The following LRBA variants were observed in gnomAD, a reference collection of about 807,000 sequenced individuals.
LRBA encodes the protein LPS responsive beige-like anchor protein.
Under a neutral mutation model 330.0 loss-of-function variants are expected in LRBA, and 176 were observed. The ratio of observed to expected loss-of-function variants is 0.53; its 90% CI spans 0.47 to 0.60. The LOEUF is 0.60. Ranked by LOEUF, LRBA falls within the 20% of genes least tolerant of loss-of-function variation. LRBA has a pLI of 0.00. For synonymous variants in LRBA, 1,230 were observed against 1,193.0 expected (o/e 1.03, Z -0.64); for missense variants, 3,259 against 3,444.8 (o/e 0.95, Z 1.35).
At chr4:150,534,509 A>G (rs1214097749) in intron 40 of LRBA, among the ~76,000 whole-genome samples, 1 of 151,892 alleles carries the variant, frequency 6.6e-6, no homozygotes, top group Non-Finnish European at 1.5e-5. Flanking sequence ...TTAGGCATGA[A>G]TTACCTGTCA....
intron 40 of LRBA, among the ~76,000 whole-genome samples, chr4:150,498,037 A>C (rs544965277): frequency 6.2e-4 from 95 of 152,202 alleles, no homozygotes; most frequent in Non-Finnish European, 1.2e-3. Context: ...GCCCAGCTTT[A>C]AAAATTAATT....
chr4:150,838,430 A>G (rs1314974130), intron 28 of LRBA, among the ~76,000 whole-genome samples: 1 of 152,208 alleles, frequency 6.6e-6, no homozygotes, highest in Non-Finnish European at 1.5e-5. Context: ...AGGTACACCA[A>G]TCAGACGTAG....
chr4:150,814,933 T>C (rs552288343), intron 31 of LRBA, among the ~76,000 whole-genome samples: 2 of 152,116 alleles, frequency 1.3e-5, no homozygotes, highest in South Asian at 4.1e-4. Context: ...GAGAGAAATG[T>C]ATAATACTGT....
At chr4:150,956,857 C>T (rs1287342076) in intron 2 of LRBA, among the ~76,000 whole-genome samples, 2 of 149,096 alleles carry the variant, frequency 1.3e-5, no homozygotes, top group Admixed American at 6.6e-5. Flanking sequence ...TAGAAAGAAA[C>T]TTCTTCAACC....
intron 47 of LRBA, among the ~76,000 whole-genome samples, chr4:150,413,493 C>A (rs969829273): frequency 2.0e-5 from 3 of 152,004 alleles, no homozygotes; most frequent in Non-Finnish European, 4.4e-5. Context: ...ATGGATGAAT[C>A]TCAAAAAACA....
chr4:150,484,859 T>C (rs1757691885), intron 42 of LRBA, among the ~76,000 whole-genome samples: 1 of 151,952 alleles, frequency 6.6e-6, no homozygotes, highest in Non-Finnish European at 1.5e-5. Context: ...TTATTTTCAA[T>C]TAGTAGAATA....
intron 2 of LRBA, among the ~76,000 whole-genome samples, chr4:151,008,912 G>C (rs1482118456): frequency 3.0e-5 from 4 of 134,122 alleles, no homozygotes; most frequent in Non-Finnish European, 4.6e-5. Flanking sequence ...GGAGGTTGCA[G>C]TGAGCCAAGA....
chr4:150,658,502 A>C (rs1251571059), intron 37 of LRBA, among the ~76,000 whole-genome samples: 1 of 26,142 alleles, frequency 3.8e-5, no homozygotes, highest in African/African-American at 5.3e-5. Context: ...TCAGAAAATA[A>C]AAGTCTCCCT....
At position 150,828,414 on chromosome 4, in the gene LRBA, A is replaced by G. The variant is rs770387815; in HGVS notation, c.4937T>C (p.Leu1646Ser). 8.7e-6 allele frequency: 14 copies of G among 1,614,030 alleles called. No individual in the cohort carries two copies. The highest frequency in any genetic ancestry group is 1.1e-5 in the Non-Finnish European group (13 of 1,180,018). ...GGTTTCCGGAGACTTATTGACTTCT[A>G]AAGAAAGAGTAGATAGCACCTCGCT... ...AISEVLSTLS[L>S]EVNKSPETKN... is the part of the protein sequence containing the mutation. Residue 1646 changes from leucine (L) to serine (S), a missense_variant, in exon 30 of 57, where the codon TTA becomes TCA. By Grantham distance (145) the Leu-to-Ser change is moderately radical. Transcript: ENST00000651943.
chr4:150,858,869 A>G (rs903110481), intron 22 of LRBA, among the ~76,000 whole-genome samples: 2 of 152,162 alleles, frequency 1.3e-5, no homozygotes, highest in South Asian at 4.1e-4. Flanking sequence ...TTTTAATCTT[A>G]TCATACAGCC....
chr4:150,593,724 C>T (rs1295057360), intron 38 of LRBA, among the ~76,000 whole-genome samples: 1 of 152,060 alleles, frequency 6.6e-6, no homozygotes, highest in Non-Finnish European at 1.5e-5. Flanking sequence ...AACAACTAAA[C>T]ACCCTGCTCA....
intron 2 of LRBA, among the ~76,000 whole-genome samples, chr4:150,991,806 T>C (rs1054311870): frequency 6.6e-6 from 1 of 152,212 alleles, no homozygotes; most frequent in Non-Finnish European, 1.5e-5. Flanking sequence ...ATGTAAATCA[T>C]ACCTTAATAA....
chr4:150,765,634 C>T (rs1265179953), intron 34 of LRBA, among the ~76,000 whole-genome samples: 1 of 151,986 alleles, frequency 6.6e-6, no homozygotes, highest in African/African-American at 2.4e-5. Flanking sequence ...TTTCTCAAAT[C>T]CATTTGTTCT....
chr4:150,583,622 A>G lies in LRBA; in HGVS notation c.6330+4426T>C, dbSNP rs1210509990. The G allele has an allele frequency of 6.8e-6, 11 of 1,613,848 alleles. No homozygotes were observed. Among genetic ancestry groups the G allele is most frequent in the Admixed American group, 3.3e-5 (2 of 60,010 alleles). On this transcript the variant is annotated intron_variant, in intron 40 of 56. Coordinates refer to ENST00000651943, the MANE Select transcript of LRBA (RefSeq NM_001364905.1). The surrounding 1 kb of genome is among the most constrained non-coding windows in gnomAD (Gnocchi z 9.8). ...CCCCACATCCCTTGGCCCGGCCCCA[A>G]TCGGGTGGCCGAGGTCAAGGCCGAA...
chr4:150,735,403 T>A, intron 35 of LRBA, 37 bp from the exon 36 acceptor site: 5 of 1,262,538 alleles, frequency 4.0e-6, no homozygotes, highest in Non-Finnish European at 4.6e-6. Context: ...AATATATGTA[T>A]ACACACACAA....
intron 33 of LRBA, among the ~76,000 whole-genome samples, chr4:150,804,423 T>C (rs1742242229): frequency 6.6e-6 from 1 of 152,202 alleles, no homozygotes; most frequent in Admixed American, 6.5e-5. Context: ...TCAAACGAAG[T>C]GCTCATATTG....
At chr4:151,008,372 C>T (rs1473859023) in intron 2 of LRBA, among the ~76,000 whole-genome samples, 1 of 152,068 alleles carries the variant, frequency 6.6e-6, no homozygotes, top group Non-Finnish European at 1.5e-5. Context: ...TGAGCCACCG[C>T]ACCCAGCCTA....
At chr4:150,287,859 C>A (rs1388317752) in intron 53 of LRBA, among the ~76,000 whole-genome samples, 5 of 152,186 alleles carry the variant, frequency 3.3e-5, no homozygotes, top group Non-Finnish European at 5.9e-5. Flanking sequence ...TGACATTTCC[C>A]AAGCCACAAA....
At chr4:150,765,363 A>G (rs1337977872) in intron 34 of LRBA, among the ~76,000 whole-genome samples, 4 of 152,108 alleles carry the variant, frequency 2.6e-5, no homozygotes, top group African/African-American at 9.7e-5. Context: ...CTAAACTCAC[A>G]GAATGCACAA....
Sources: allele counts gnomAD v4.1 joint callset (sites outside exome capture counted in the v4.1 genomes callset), GRCh38; gene constraint gnomAD v4.1.1; non-coding constraint Gnocchi (gnomAD v3.1); transcripts MANE v1.5; gene names NCBI Gene and HGNC (gene_info 2026-07-23, HGNC 2026-07-21).